Variants in SORCS3 observed in about 807,000 individuals in gnomAD.
The protein encoded by SORCS3 is VPS10 domain-containing receptor SorCS3.
A neutral mutation model predicts 146.3 loss-of-function variants in SORCS3; 57 were observed. The observed-to-expected ratio is 0.39, with a 90% CI of 0.31 to 0.49. The LOEUF is 0.49. SORCS3 is among the 20% of genes least tolerant of loss of function. The pLI is 0.92. For synonymous variants in SORCS3, 653 were observed against 618.5 expected (o/e 1.06, Z -0.83); for missense variants, 1,341 against 1,575.5 (o/e 0.85, Z 2.52).
chr10:105,241,910 A>G (rs922026484), intron 20 of SORCS3, among the ~76,000 whole-genome samples: 2 of 152,170 alleles, frequency 1.3e-5, no homozygotes, highest in African/African-American at 2.4e-5. Context: ...GGGTAGGTAT[A>G]TGTAAAGTAG....
chr10:105,061,695 C>T (rs927847637), intron 5 of SORCS3, among the ~76,000 whole-genome samples: 4 of 150,246 alleles, frequency 2.7e-5, no homozygotes, highest in African/African-American at 9.8e-5. Flanking sequence ...TTTAGGAGCT[C>T]TCAGGAACAC....
At chr10:104,978,534 T>G (rs1048175967) in intron 4 of SORCS3, among the ~76,000 whole-genome samples, 1 of 152,222 alleles carries the variant, frequency 6.6e-6, no homozygotes, top group Admixed American at 6.5e-5. Flanking sequence ...TCTAGCCATT[T>G]AATTGCAAAA....
Position 105,201,114 on chromosome 10 carries a change from T to A in SORCS3, c.2128-6T>A. On this transcript the variant is annotated splice_polypyrimidine_tract_variant and splice_region_variant and intron_variant, in intron 15 of 26. Coordinates refer to ENST00000369701, the MANE Select transcript of SORCS3 (RefSeq NM_014978.3). ...TGTCTCTCACACTATGGAATTTCTC[T>A]CTAAGGGAGAGCCTTGTGTCATGGG... 1.2e-6 allele frequency: 2 copies of A among 1,611,126 alleles called. No individual in the cohort carries two copies. The highest frequency in any genetic ancestry group is 1.7e-6 in the Non-Finnish European group (2 of 1,178,950).
chr10:104,918,330 A>G (rs1464869), intron 3 of SORCS3, among the ~76,000 whole-genome samples: 74,954 of 152,046 alleles, frequency 0.49, 22,209 homozygotes, highest in African/African-American at 0.84. Flanking sequence ...AAAAACTCAC[A>G]TAGCCAGATA....
At chr10:105,063,180 A>G (rs961139479) in intron 5 of SORCS3, among the ~76,000 whole-genome samples, 2 of 152,080 alleles carry the variant, frequency 1.3e-5, no homozygotes, top group Admixed American at 1.3e-4. Context: ...CATCCTATGG[A>G]CTCCCGATGA....
intron 14 of SORCS3, among the ~76,000 whole-genome samples, chr10:105,186,283 G>A (rs537924092): frequency 5.3e-5 from 8 of 152,240 alleles, no homozygotes; most frequent in Admixed American, 3.3e-4. Context: ...AGAATGCCAG[G>A]GCTTTTTATT....
intron 1 of SORCS3, among the ~76,000 whole-genome samples, chr10:104,829,041 C>T (rs183448012): frequency 6.6e-6 from 1 of 152,282 alleles, no homozygotes; most frequent in African/African-American, 2.4e-5. Flanking sequence ...GTGAGGATGT[C>T]CTGACCACCT....
intron 2 of SORCS3, among the ~76,000 whole-genome samples, chr10:104,882,604 G>A (rs2018642501): frequency 6.6e-6 from 1 of 152,006 alleles, no homozygotes. Context: ...AAAGCATTGG[G>A]AAATATGTTT....
chr10:105,014,227 A>G (rs1273487445), intron 4 of SORCS3, among the ~76,000 whole-genome samples: 6 of 151,598 alleles, frequency 4.0e-5, no homozygotes. Context: ...TATTCATAGG[A>G]AAGAAATTTG....
At chr10:105,102,778 AC>A (rs1480586896) in intron 6 of SORCS3, among the ~76,000 whole-genome samples, 1 of 117,676 alleles carries the variant, frequency 8.5e-6, no homozygotes, top group Non-Finnish European at 1.7e-5. Flanking sequence ...TTACCTCTCA[AC>A]CTTTTTTTTT....
At chr10:104,767,990 C>T (rs936463683) in intron 1 of SORCS3, among the ~76,000 whole-genome samples, 1 of 152,046 alleles carries the variant, frequency 6.6e-6, no homozygotes, top group African/African-American at 2.4e-5. Context: ...ATCTAGAACC[C>T]AGATGTTTAA....
At chr10:104,903,898 A>G (rs1050265136) in intron 2 of SORCS3, among the ~76,000 whole-genome samples, 1 of 152,230 alleles carries the variant, frequency 6.6e-6, no homozygotes, top group Non-Finnish European at 1.5e-5. Flanking sequence ...TTTGAAAAGT[A>G]AAAGAATGCT....
At chr10:104,789,473 C>A (rs991094788) in intron 1 of SORCS3, among the ~76,000 whole-genome samples, 29 of 152,274 alleles carry the variant, frequency 1.9e-4, no homozygotes, top group African/African-American at 5.1e-4. Flanking sequence ...GGGATTTATT[C>A]ATCTCTCCAC....
chr10:104,733,682 A>C (rs1235375839), intron 1 of SORCS3, among the ~76,000 whole-genome samples: 1 of 152,166 alleles, frequency 6.6e-6, no homozygotes, highest in Non-Finnish European at 1.5e-5. Context: ...TAAATAAAGC[A>C]GCTTTGGAGT....
At chr10:104,912,464 C>G (rs943232327) in intron 2 of SORCS3, among the ~76,000 whole-genome samples, 2 of 152,210 alleles carry the variant, frequency 1.3e-5, no homozygotes, top group African/African-American at 4.8e-5. Context: ...AAGTGAATTA[C>G]AGACCCTTCC....
At position 105,256,935 on chromosome 10, in the gene SORCS3, T is replaced by C; in HGVS notation, c.3443+11T>C. On this transcript the variant is annotated intron_variant, in intron 25 of 26. Transcript: ENST00000369701. ...CTACAAGTTTAAAAGGTATGTCCTA[T>C]TATCACTCAATTTAGTAGTGGGGTT... is the stretch of plus-strand genomic sequence containing the variant. 6.3e-7 allele frequency: 1 copy of C among 1,592,086 alleles called. No homozygotes were observed.
chr10:105,014,047 C>G (rs914590988), intron 4 of SORCS3, among the ~76,000 whole-genome samples: 1 of 148,284 alleles, frequency 6.7e-6, no homozygotes, highest in Non-Finnish European at 1.5e-5. Context: ...GAATAGAGAC[C>G]CCAGCACAGA....
At chr10:105,025,298 G>A (rs959494620) in intron 4 of SORCS3, among the ~76,000 whole-genome samples, 1 of 152,148 alleles carries the variant, frequency 6.6e-6, no homozygotes, top group Non-Finnish European at 1.5e-5. Context: ...AAGATCAGCT[G>A]GTAGAATGAA....
intron 3 of SORCS3, among the ~76,000 whole-genome samples, chr10:104,949,145 C>A (rs2019402878): frequency 6.6e-6 from 1 of 152,036 alleles, no homozygotes; most frequent in Admixed American, 6.6e-5. Context: ...CATCAGCACA[C>A]ATAATCACCA....
Sources: gnomAD v4.1 joint callset for allele counts (sites outside exome capture counted in the v4.1 genomes callset) on GRCh38, gnomAD v4.1.1 for gene constraint, MANE v1.5 for transcripts, NCBI Gene and HGNC (gene_info 2026-07-23, HGNC 2026-07-21) for gene names.